Variants in DNAH17 observed in about 807,000 individuals in gnomAD.
DNAH17 encodes the protein dynein axonemal heavy chain 17, also known as axonemal beta dynein heavy chain 17.
DNAH17 carries 376 observed loss-of-function variants against 485.6 expected under a neutral mutation model. The ratio of observed to expected loss-of-function variants is 0.77; its 90% CI spans 0.71 to 0.84. The LOEUF is 0.84. Among genes scored for constraint, DNAH17 ranks in the 40% least tolerant of loss-of-function variants. The probability of loss-of-function intolerance (pLI) is 0.00; values close to 1 mark genes in which losing one functional copy is unlikely to be tolerated. For missense variants in DNAH17, 6,370 were observed against 5,839.3 expected (o/e 1.09, Z -2.96); for synonymous variants, 3,031 against 2,405.9 (o/e 1.26, Z -7.60).
At chr17:78,550,228 G>C (rs990338938) in intron 16 of DNAH17, among the ~76,000 whole-genome samples, 1 of 152,224 alleles carries the variant, frequency 6.6e-6, no homozygotes, top group Non-Finnish European at 1.5e-5. Context: ...ACACAAGGAG[G>C]CACACGTCTG....
At position 78,461,678 on chromosome 17, in the gene DNAH17, G is replaced by A. The variant is rs779105951; in HGVS notation, c.9205C>T (p.Gln3069Ter). Residue 3069 changes from glutamine (Q) to a stop codon, truncating the protein, a stop_gained, in exon 58 of 81, where the codon CAG becomes TAG. Coordinates refer to ENST00000389840, the MANE Select transcript of DNAH17 (RefSeq NM_173628.4). LOFTEE classifies it high-confidence loss of function. Reference protein sequence around the residue: ...VDDLKAKLAIQEAELKQKNES... With the variant: ...VDDLKAKLAI ...TTCTTCTGCTTGAGCTCAGCCTCCT[G>A]AATCGCCAACTTGGCTTTCAAATCA... 1 of 1,610,492 alleles carries A rather than the reference G, an allele frequency of 6.2e-7. No homozygotes were observed. The highest frequency in any genetic ancestry group is 1.3e-5 in the African/African-American group (1 of 74,676).
chr17:78,556,854 G>A (rs2092034020), intron 14 of DNAH17, among the ~76,000 whole-genome samples: 1 of 152,196 alleles, frequency 6.6e-6, no homozygotes, highest in Non-Finnish European at 1.5e-5. Context: ...AAGAAGAATG[G>A]TGCTACATGC....
intron 12 of DNAH17, among the ~76,000 whole-genome samples, chr17:78,561,438 C>T (rs568735792): frequency 6.6e-6 from 1 of 152,220 alleles, no homozygotes; most frequent in South Asian, 2.1e-4. Context: ...CAGTCAGCTG[C>T]ATACACAGCC....
chr17:78,430,404 T>C (rs553936205), intron 75 of DNAH17, among the ~76,000 whole-genome samples: 1 of 152,312 alleles, frequency 6.6e-6, no homozygotes, highest in South Asian at 2.1e-4. Flanking sequence ...ACCTGTTCTT[T>C]CCCTGAAGTT....
chr17:78,515,907 A>C (rs1477593057), intron 25 of DNAH17, among the ~76,000 whole-genome samples: 1 of 152,244 alleles, frequency 6.6e-6, no homozygotes, highest in Non-Finnish European at 1.5e-5. Flanking sequence ...CAACAGAAGA[A>C]ACTTCACTCA....
At chr17:78,473,761 G>A (rs1289272143) in intron 54 of DNAH17, among the ~76,000 whole-genome samples, 3 of 152,074 alleles carry the variant, frequency 2.0e-5, no homozygotes, top group Admixed American at 1.3e-4. Flanking sequence ...GCAAGGAAAC[G>A]ATGCCGTCAT....
intron 25 of DNAH17, among the ~76,000 whole-genome samples, chr17:78,519,036 C>T (rs939117385): frequency 3.3e-5 from 5 of 151,676 alleles, no homozygotes; most frequent in Middle Eastern, 6.3e-3. Context: ...GGCGTGGTGG[C>T]GGGCACCTGT....
intron 14 of DNAH17, among the ~76,000 whole-genome samples, chr17:78,554,436 CAAAAAAAAAAAAAAAAAAAAAAA>C (rs55701739): frequency 0.058 from 1,873 of 32,400 alleles, 95 homozygotes; most frequent in African/African-American, 0.19. Flanking sequence ...GACTCTGTCT[CAAAAAAAAAAAAAAAAAAAAAAA>C]AAAAAAAAAA....
rs144732617 is a variant in DNAH17 at position 78,574,769 on chromosome 17, G to A, written c.289C>T (p.Leu97Phe). Residue 97 changes from leucine to phenylalanine, a missense_variant, in exon 2 of 81, where the codon CTT becomes TTT. Leu to Phe is a conservative substitution (Grantham distance 22). Coordinates refer to ENST00000389840, the MANE Select transcript of DNAH17 (RefSeq NM_173628.4). ...GGTGTGGGGCTGATGTCGCCGTAAA[G>A]GAGCCGGGCCCTGTAGTTGTCCTTG... ...INKDNYRARL[L>F]YGDISPTPVD... is the part of the protein sequence containing the mutation. 660 of 1,613,884 alleles carry A rather than the reference G, an allele frequency of 4.1e-4. 1 individual carries two copies. In the African/African-American group the frequency reaches 7.9e-3, roughly 19 times the overall value.
intron 24 of DNAH17, among the ~76,000 whole-genome samples, chr17:78,526,368 G>C (rs747615071): frequency 1.3e-5 from 2 of 152,174 alleles, no homozygotes; most frequent in African/African-American, 2.4e-5. Flanking sequence ...CACACAGGGT[G>C]TTAAGGGGCC....
chr17:78,506,140 ATT>A (rs66859821), intron 30 of DNAH17, among the ~76,000 whole-genome samples: 2,266 of 128,254 alleles, frequency 0.018, 35 homozygotes, highest in South Asian at 0.036. Flanking sequence ...CACCTAGTTA[ATT>A]TTTTTTTTTT....
chr17:78,458,818 G>A (rs1568081085), intron 61 of DNAH17, 138 bp from the exon 62 acceptor site: 9 of 1,025,922 alleles, frequency 8.8e-6, no homozygotes, highest in Non-Finnish European at 1.5e-6. Context: ...CTGGAGCATG[G>A]AGGCTAAGGA....
chr17:78,467,684 AG>A (rs1416733572), intron 55 of DNAH17, among the ~76,000 whole-genome samples: 1 of 152,142 alleles, frequency 6.6e-6, no homozygotes, highest in Non-Finnish European at 1.5e-5. Flanking sequence ...CGGGGCCAAT[AG>A]GTCCAAGGGG....
Position 78,459,216 on chromosome 17 carries a change from G to A in DNAH17, c.9654-8C>T, listed in dbSNP as rs778364999. On this transcript the variant is annotated splice_region_variant and splice_polypyrimidine_tract_variant and intron_variant, in intron 60 of 80. Transcript: ENST00000389840. The stretch of plus-strand genomic sequence containing the variant: ...GGGTTGCCTTGGTAGGGCCTAGCGA[G>A]GGAACCAGAGGGCCGGAGTCGTCAC... 6.8e-6 allele frequency: 11 copies of A among 1,613,196 alleles called. No homozygotes were observed. Among genetic ancestry groups the A allele is most frequent in the Non-Finnish European group, 8.5e-6 (10 of 1,179,642 alleles).
At chr17:78,480,029 T>C (rs2089279682) in intron 49 of DNAH17, among the ~76,000 whole-genome samples, 1 of 57,322 alleles carries the variant, frequency 1.7e-5, no homozygotes, top group African/African-American at 1.2e-4. Flanking sequence ...TTTTTTTTTT[T>C]TTTTTTTTTT....
At chr17:78,502,481 G>A (rs1179003600) in intron 33 of DNAH17, 110 bp downstream of exon 33, 7 of 1,081,574 alleles carry the variant, frequency 6.5e-6, no homozygotes, top group Non-Finnish European at 9.0e-6. Context: ...CCTCCGAGAA[G>A]AAGCCGCTCC....
At chr17:78,478,836 A>C in intron 51 of DNAH17, 189 bp downstream of exon 51, 1 of 569,872 alleles carries the variant, frequency 1.8e-6, no homozygotes. Flanking sequence ...CACGACCATC[A>C]CCATTACCAC....
intron 17 of DNAH17, among the ~76,000 whole-genome samples, chr17:78,543,522 C>T (rs1018461306): frequency 3.3e-4 from 50 of 151,786 alleles, no homozygotes; most frequent in Non-Finnish European, 6.3e-4. Flanking sequence ...GATCTCCTGA[C>T]CTCATGATCC....
At chr17:78,474,938 A>G (rs1470585585) in intron 54 of DNAH17, among the ~76,000 whole-genome samples, 7 of 144,502 alleles carry the variant, frequency 4.8e-5, no homozygotes, top group Non-Finnish European at 9.0e-5. Flanking sequence ...CACGGGCCGA[A>G]AGGTTTCAGA....
Sources: gnomAD v4.1 joint callset for allele counts (sites outside exome capture counted in the v4.1 genomes callset) on GRCh38, gnomAD v4.1.1 for gene constraint, MANE v1.5 for transcripts, NCBI Gene and HGNC (gene_info 2026-07-23, HGNC 2026-07-21) for gene names.